The following NUP160 variants were observed in gnomAD, a reference collection of about 807,000 sequenced individuals.
NUP160 encodes the protein nucleoporin 160.
NUP160 carries 94 observed loss-of-function variants against 196.9 expected under a neutral mutation model. The observed-to-expected ratio is 0.48, with a 90% CI of 0.40 to 0.57. The LOEUF (loss-of-function observed/expected upper bound fraction) is 0.57, where lower values mean the gene tolerates loss of function less well. NUP160 is among the 20% of genes least tolerant of loss of function. NUP160 has a pLI of 0.00. For missense variants in NUP160, 1,638 were observed against 1,748.3 expected (o/e 0.94, Z 1.13); for synonymous variants, 605 against 619.7 (o/e 0.98, Z 0.35).
chr11:47,783,670 A>G (rs1469821749), intron 33 of NUP160, among the ~76,000 whole-genome samples: 1 of 152,144 alleles, frequency 6.6e-6, no homozygotes, highest in Non-Finnish European at 1.5e-5. Flanking sequence ...TGCTTTCTAT[A>G]TTCCCATTTG....
intron 23 of NUP160, among the ~76,000 whole-genome samples, chr11:47,801,447 T>C (rs1189557854): frequency 6.6e-6 from 1 of 152,044 alleles, no homozygotes; most frequent in Non-Finnish European, 1.5e-5. Context: ...ACCTCAAAGT[T>C]CAAGTGATTC....
Position 47,836,904 on chromosome 11 carries a change from G to A in NUP160, c.925C>T (p.Arg309Ter), listed in dbSNP as rs755224636. Residue 309 changes from arginine to a stop codon, truncating the protein, a stop_gained, in exon 6 of 36, where the codon CGA becomes TGA. Coordinates refer to ENST00000378460, the Ensembl canonical transcript of NUP160. LOFTEE classifies it high-confidence loss of function. ...GCACTTACCTTGTAAGACCACATTC[G>A]TAGTTTATGATCCTGACACAAAGCA... is the stretch of plus-strand genomic sequence containing the variant. 1.9e-6 allele frequency: 3 copies of A among 1,601,654 alleles called. No individual in the cohort carries two copies. Among genetic ancestry groups the A allele is most frequent in the Non-Finnish European group, 2.6e-6 (3 of 1,168,802 alleles).
At chr11:47,813,647 T>G (rs1411266890) in intron 13 of NUP160, among the ~76,000 whole-genome samples, 4 of 149,050 alleles carry the variant, frequency 2.7e-5, no homozygotes, top group Admixed American at 1.3e-4. Flanking sequence ...CTGGGCATCA[T>G]GATGAAACCC....
At chr11:47,824,820 T>C (rs1851936526) in intron 7 of NUP160, among the ~76,000 whole-genome samples, 2 of 151,616 alleles carry the variant, frequency 1.3e-5, no homozygotes, top group African/African-American at 4.8e-5. Flanking sequence ...TTTTGTTTTT[T>C]TTTTTCACGT....
intron 7 of NUP160, among the ~76,000 whole-genome samples, chr11:47,834,272 G>A (rs1282191594): frequency 6.6e-6 from 1 of 152,038 alleles, no homozygotes; most frequent in Admixed American, 6.6e-5. Flanking sequence ...AACATGTCGA[G>A]GAGACTGATC....
chr11:47,812,565 T>C (rs1301732030), intron 15 of NUP160, 136 bp from the exon 16 acceptor site: 2 of 868,902 alleles, frequency 2.3e-6, no homozygotes, highest in East Asian at 2.6e-5. Flanking sequence ...GCATATAAGA[T>C]ACAGTCCCTA....
intron 7 of NUP160, 88 bp from the exon 8 acceptor site, chr11:47,822,252 TA>T (rs200777220): frequency 1.9e-4 from 174 of 903,916 alleles, no homozygotes; most frequent in Middle Eastern, 1.4e-3. Context: ...CAGAAACCTT[TA>T]AAAAAAAATT....
intron 27 of NUP160, among the ~76,000 whole-genome samples, chr11:47,793,656 TG>T (rs535746740): frequency 2.4e-3 from 368 of 151,234 alleles, no homozygotes; most frequent in Middle Eastern, 0.014. Flanking sequence ...AAGTGTCCAT[TG>T]ATGGATGAAC....
exon 35 of NUP160, chr11:47,780,431 G>T: frequency 6.2e-7 from 1 of 1,611,846 alleles, no homozygotes; most frequent in Non-Finnish European, 8.5e-7. Flanking sequence ...CATTGGGGCT[G>T]TTGCGGACAG....
intron 16 of NUP160, 27 bp downstream of exon 16, chr11:47,812,275 A>ATT: frequency 6.8e-6 from 11 of 1,613,754 alleles, no homozygotes; most frequent in Non-Finnish European, 9.3e-6. Flanking sequence ...TTAATCAAAG[A>ATT]GGCACATTTG....
chr11:47,838,011 C>T (rs549493034), intron 4 of NUP160, among the ~76,000 whole-genome samples: 6 of 152,204 alleles, frequency 3.9e-5, no homozygotes, highest in Non-Finnish European at 7.4e-5. Flanking sequence ...ACTTATATTC[C>T]TTTGGGGGAA....
At chr11:47,839,169 G>A (rs1035457676) in intron 4 of NUP160, among the ~76,000 whole-genome samples, 3 of 151,286 alleles carry the variant, frequency 2.0e-5, no homozygotes, top group Admixed American at 6.6e-5. Context: ...TTGGCTTATC[G>A]CAACCTCCAC....
In NUP160 at chr11:47,798,324, C is replaced by A; in HGVS notation, c.2991+44G>T. On this transcript the variant is annotated intron_variant, in intron 24 of 35. Coordinates refer to ENST00000378460, the Ensembl canonical transcript of NUP160. ...AATAGAAATGAACATACCACACCCA[C>A]AACAAACCTTAAAGAAAACAACCAA... 2.6e-6 allele frequency: 4 copies of A among 1,547,068 alleles called. No homozygotes were observed. In the South Asian group the frequency reaches 3.4e-5, roughly 13 times the overall value.
intron 13 of NUP160, among the ~76,000 whole-genome samples, chr11:47,814,274 T>C (rs2097682971): frequency 6.6e-6 from 1 of 151,650 alleles, no homozygotes; most frequent in Non-Finnish European, 1.5e-5. Flanking sequence ...ACTAAATACA[T>C]ATATTAGATT....
intron 27 of NUP160, among the ~76,000 whole-genome samples, chr11:47,797,254 C>T (rs930447988): frequency 8.5e-5 from 13 of 152,104 alleles, no homozygotes; most frequent in South Asian, 2.1e-4. Context: ...ATTTATGAGA[C>T]GGAGTTTTGC....
intron 12 of NUP160, 36 bp downstream of exon 12, chr11:47,815,910 G>A (rs905517730): frequency 6.7e-7 from 1 of 1,502,442 alleles, no homozygotes; most frequent in Non-Finnish European, 9.2e-7. Flanking sequence ...TATCAAGATG[G>A]AAGGAATTCT....
chr11:47,846,046 G>C (rs1852394772), intron 2 of NUP160, among the ~76,000 whole-genome samples: 1 of 151,886 alleles, frequency 6.6e-6, no homozygotes, highest in Non-Finnish European at 1.5e-5. Flanking sequence ...TGAGGTGGGA[G>C]GGTCACTTGA....
At chr11:47,789,479 A>G (rs2097666679) in intron 29 of NUP160, among the ~76,000 whole-genome samples, 1 of 152,204 alleles carries the variant, frequency 6.6e-6, no homozygotes, top group South Asian at 2.1e-4. Context: ...ACTTGATAAA[A>G]AAAAAGCTTG....
chr11:47,781,327 A>G (rs748002103), intron 34 of NUP160, among the ~76,000 whole-genome samples: 2 of 151,678 alleles, frequency 1.3e-5, no homozygotes, highest in Non-Finnish European at 2.9e-5. Context: ...TAGTGGCATG[A>G]TCATAGCTCA....
Sources: gnomAD v4.1 joint callset for allele counts (sites outside exome capture counted in the v4.1 genomes callset) on GRCh38, gnomAD v4.1.1 for gene constraint, MANE v1.5 for transcripts, NCBI Gene and HGNC (gene_info 2026-07-23, HGNC 2026-07-21) for gene names.